Variants in AP1M1 observed in about 807,000 individuals in gnomAD.
AP1M1 encodes the protein adaptor related protein complex 1 subunit mu 1, also known as AP-1 complex subunit mu-1.
AP1M1 carries 18 observed loss-of-function variants against 57.1 expected under a neutral mutation model. The observed-to-expected ratio is 0.32, with a 90% CI of 0.22 to 0.47. The LOEUF (loss-of-function observed/expected upper bound fraction) is 0.47, where lower values mean the gene tolerates loss of function less well. AP1M1 is among the 20% of genes least tolerant of loss of function. AP1M1 has a pLI of 1.00. For synonymous variants in AP1M1, 241 were observed against 237.9 expected (o/e 1.01, Z -0.12); for missense variants, 362 against 593.5 (o/e 0.61, Z 4.05).
chr19:16,244,947 G>C lies in AP1M1; in HGVS notation c.*10512G>C, dbSNP rs2091658717. ...AGTTTCGCTCTTGTTGCCCAGGCTG[G>C]AGTGCAATGGCGCGGTCTTTGCTCA... is the stretch of plus-strand genomic sequence containing the variant. On this transcript the variant is annotated 3_prime_UTR_variant, in exon 12 of 12. Transcript: ENST00000291439. 1 of 151,780 alleles carries C rather than the reference G, an allele frequency of 6.6e-6. No homozygotes were observed. The highest frequency in any genetic ancestry group is 2.4e-5 in the African/African-American group (1 of 41,248). The allele number at this position is 151,780 out of a possible 1,614,324, so 9.4% of individuals were successfully genotyped here.
At chr19:16,231,955 G>T (rs2091600749) in intron 9 of AP1M1, among the ~76,000 whole-genome samples, 1 of 152,214 alleles carries the variant, frequency 6.6e-6, no homozygotes, top group Non-Finnish European at 1.5e-5. Context: ...CCCATGGGTG[G>T]CCATGGCACA....
Position 16,237,242 on chromosome 19 carries a change from T to C in AP1M1, c.*2807T>C, listed in dbSNP as rs569157870. The stretch of plus-strand genomic sequence containing the variant: ...GGAGGTCAGGAGTTCGAGACCAGCA[T>C]GGCCAGCATGGTGAAGCCCCATCTA... On this transcript the variant is annotated 3_prime_UTR_variant, in exon 12 of 12. Coordinates refer to ENST00000291439, the MANE Select transcript of AP1M1 (RefSeq NM_032493.4). 6.6e-6 allele frequency: 1 copy of C among 152,310 alleles called. No individual in the cohort carries two copies. Among genetic ancestry groups the C allele is most frequent in the South Asian group, 2.1e-4 (1 of 4,826 alleles). The allele number at this position is 152,310 out of a possible 1,614,324, so 9.4% of individuals were successfully genotyped here.
At chr19:16,232,173 C>G (rs909990506) in intron 9 of AP1M1, among the ~76,000 whole-genome samples, 5 of 152,248 alleles carry the variant, frequency 3.3e-5, no homozygotes, top group Non-Finnish European at 7.3e-5. Context: ...CACCTTTCTC[C>G]CTTGTGATGA....
rs1369491702 is a variant in AP1M1 at position 16,240,870 on chromosome 19, TC to T, written c.*6437del. On this transcript the variant is annotated 3_prime_UTR_variant, in exon 12 of 12. Coordinates refer to ENST00000291439, the MANE Select transcript of AP1M1 (RefSeq NM_032493.4). ...CAGAACATATCAGACTCAGGGAAGA[TC>T]CTAACAGCAACACTAAGAGATTAAA... The T allele has an allele frequency of 6.6e-6, 1 of 152,078 alleles. No individual in the cohort carries two copies. Among genetic ancestry groups the T allele is most frequent in the East Asian group, 1.9e-4 (1 of 5,196 alleles). 9.4% of individuals were successfully genotyped at this position (152,078 alleles called of 1,614,324 possible).
At chr19:16,198,596 TG>T (rs2145107594) in intron 1 of AP1M1, among the ~76,000 whole-genome samples, 1 of 152,240 alleles carries the variant, frequency 6.6e-6, no homozygotes, top group East Asian at 1.9e-4. Context: ...AGGTGAGTGG[TG>T]ATCACGAGTG....
Position 16,237,521 on chromosome 19 carries a change from T to G in AP1M1, c.*3086T>G, listed in dbSNP as rs2091629787. On this transcript the variant is annotated 3_prime_UTR_variant, in exon 12 of 12. Transcript: ENST00000291439. ...GCTGAGACGGGTGGATCACCTGAGGTCAGGAGTCCGAGACCAACCTGGCCA... is the reference window on the plus strand; with the variant it reads ...GCTGAGACGGGTGGATCACCTGAGGGCAGGAGTCCGAGACCAACCTGGCCA... 6.6e-6 allele frequency: 1 copy of G among 151,554 alleles called. No individual in the cohort carries two copies. The highest frequency in any genetic ancestry group is 1.5e-5 in the Non-Finnish European group (1 of 67,978). 9.4% of individuals were successfully genotyped at this position (151,554 alleles called of 1,614,324 possible).
In AP1M1 at chr19:16,241,353, A is replaced by T. The variant is rs1402482309; in HGVS notation, c.*6918A>T. The T allele has an allele frequency of 1.3e-5, 2 of 152,042 alleles. No homozygotes were observed. The highest frequency in any genetic ancestry group is 2.9e-5 in the Non-Finnish European group (2 of 68,006). The allele number at this position is 152,042 out of a possible 1,614,324, so 9.4% of individuals were successfully genotyped here. On this transcript the variant is annotated 3_prime_UTR_variant, in exon 12 of 12. Coordinates refer to ENST00000291439, the MANE Select transcript of AP1M1 (RefSeq NM_032493.4). ...GATAAAAACAATTTATCAATAACAG[A>T]TTCCCCGAAAAAAGGAACTTGTGTA...
At chr19:16,224,381 C>T (rs2091560924) in intron 5 of AP1M1, among the ~76,000 whole-genome samples, 1 of 152,230 alleles carries the variant, frequency 6.6e-6, no homozygotes, top group Non-Finnish European at 1.5e-5. Flanking sequence ...CGGAAGGATC[C>T]CACTCCTCCA....
At position 16,206,335 on chromosome 19, in the gene AP1M1, A is replaced by T; in HGVS notation, c.200-6A>T. The T allele has an allele frequency of 6.2e-7, 1 of 1,614,126 alleles. No individual in the cohort carries two copies. The highest frequency in any genetic ancestry group is 8.5e-7 in the Non-Finnish European group (1 of 1,179,996). ...TGAATGCTCCTTAACTGTGGCCGCC[A>T]TGCAGTGGTTGCCACATCCAAGAAG... On this transcript the variant is annotated splice_polypyrimidine_tract_variant and splice_region_variant and intron_variant, in intron 2 of 11. Coordinates refer to ENST00000291439, the MANE Select transcript of AP1M1 (RefSeq NM_032493.4). This position sits in a 1 kb window ranked among gnomAD's most constrained non-coding sequence, Gnocchi z 4.3.
At chr19:16,222,279 C>T (rs2091549323) in intron 5 of AP1M1, among the ~76,000 whole-genome samples, 1 of 150,444 alleles carries the variant, frequency 6.6e-6, no homozygotes, top group Non-Finnish European at 1.5e-5. Flanking sequence ...GCAAGCATGG[C>T]TCACTGTAGC....
At position 16,226,370 on chromosome 19, in the gene AP1M1, A is replaced by C. The variant is rs2091571173; in HGVS notation, c.547-51A>C. ...AGGGTCACATGATGTGGTAGGAGGC[A>C]GTGGCTGGTGAGTTGGGGACCTCCC... On this transcript the variant is annotated intron_variant, in intron 5 of 11. Transcript: ENST00000291439. 3 of 1,502,972 alleles carry C rather than the reference A, an allele frequency of 2.0e-6. No individual in the cohort carries two copies. In the African/African-American group the frequency reaches 4.1e-5, roughly 21 times the overall value. The allele number at this position is 1,502,972 out of a possible 1,614,324, so 93.1% of individuals were successfully genotyped here.
In AP1M1 at chr19:16,209,578, G is replaced by C. The variant is rs147900784; in HGVS notation, c.546+401G>C. On this transcript the variant is annotated intron_variant, in intron 5 of 11. Coordinates refer to ENST00000291439, the MANE Select transcript of AP1M1 (RefSeq NM_032493.4). The stretch of plus-strand genomic sequence containing the variant: ...TTTTTAAAAATTAGAAGCAGGGTAT[G>C]AGGTTAGAAAGTGAAGGGCTCTTAT... Among the ~76,000 whole-genome samples the C allele has an allele frequency of 4.5e-3, 679 of 151,792 alleles. 6 individuals carry two copies. The highest frequency in any genetic ancestry group is 0.015 in the African/African-American group (640 of 41,404).
rs1380825162 is a variant in AP1M1, at chr19:16,206,961, G to C, written c.267+553G>C. Among the ~76,000 whole-genome samples the C allele has an allele frequency of 6.6e-6, 1 of 152,248 alleles. No homozygotes were observed. Among genetic ancestry groups the C allele is most frequent in the Non-Finnish European group, 1.5e-5 (1 of 68,046 alleles). On this transcript the variant is annotated intron_variant, in intron 3 of 11. Coordinates refer to ENST00000291439, the MANE Select transcript of AP1M1 (RefSeq NM_032493.4). The surrounding 1 kb of genome is among the most constrained non-coding windows in gnomAD (Gnocchi z 4.3). ...GTATGAGGCTGAGGTCAGCTGGGAAGAGGGCGGATTATACAGGAGTGTGGA... is the reference window on the plus strand; with the variant it reads ...GTATGAGGCTGAGGTCAGCTGGGAACAGGGCGGATTATACAGGAGTGTGGA...
intron 5 of AP1M1, among the ~76,000 whole-genome samples, chr19:16,224,957 C>T (rs1013376922): frequency 6.6e-6 from 1 of 150,474 alleles, no homozygotes; most frequent in Non-Finnish European, 1.5e-5. Context: ...CGTGGCTTCC[C>T]CCAGCAGGGA....
intron 5 of AP1M1, among the ~76,000 whole-genome samples, chr19:16,215,209 GGGAGAGGGGGGA>G (rs1568351052): frequency 2.4e-5 from 1 of 41,626 alleles, no homozygotes; most frequent in Non-Finnish European, 7.0e-5. Flanking sequence ...GCGGGGGGGG[GGGAGAGGGGGGA>G]GGGGGGAGGG....
chr19:16,232,010 C>A (rs908398912), intron 9 of AP1M1, among the ~76,000 whole-genome samples: 16 of 152,240 alleles, frequency 1.1e-4, no homozygotes, highest in Non-Finnish European at 2.2e-4. Context: ...GCCTTGCGTC[C>A]AGGCCTTCTC....
In AP1M1 at chr19:16,227,769, C is replaced by T. The variant is rs1401983393; in HGVS notation, c.816+79C>T. On this transcript the variant is annotated intron_variant, in intron 7 of 11. Coordinates refer to ENST00000291439, the MANE Select transcript of AP1M1 (RefSeq NM_032493.4). This position sits in a 1 kb window ranked among gnomAD's most constrained non-coding sequence, Gnocchi z 6.2. ...CTCCAGGAGGTGAAGCCCAGGCAGG[C>T]GCCAGGGCCAGCCCCACCCCACGCT... is the stretch of plus-strand genomic sequence containing the variant. 6 of 1,528,718 alleles carry T rather than the reference C, an allele frequency of 3.9e-6. No individual in the cohort carries two copies. Among genetic ancestry groups the T allele is most frequent in the Admixed American group, 1.7e-5 (1 of 58,030 alleles). 94.7% of individuals were successfully genotyped at this position (1,528,718 alleles called of 1,614,324 possible).
At position 16,203,361 on chromosome 19, in the gene AP1M1, C is replaced by T; in HGVS notation, c.43-98C>T. ...GGATAGTGGCCATGACCGGAGTCCCCAGAGCGAAGCAGGGTGGTGCATCTC... is the reference window on the plus strand; with the variant it reads ...GGATAGTGGCCATGACCGGAGTCCCTAGAGCGAAGCAGGGTGGTGCATCTC... On this transcript the variant is annotated intron_variant, in intron 1 of 11. Coordinates refer to ENST00000291439, the MANE Select transcript of AP1M1 (RefSeq NM_032493.4). This position sits in a 1 kb window ranked among gnomAD's most constrained non-coding sequence, Gnocchi z 4.6. 7.6e-7 allele frequency: 1 copy of T among 1,313,910 alleles called. No individual in the cohort carries two copies. The highest frequency in any genetic ancestry group is 1.1e-6 in the Non-Finnish European group (1 of 923,596). The allele number at this position is 1,313,910 out of a possible 1,614,324, so 81.4% of individuals were successfully genotyped here. A position where few individuals can be genotyped will look rare whatever the true frequency, so the allele number is the denominator to read the frequency against.
Position 16,210,169 on chromosome 19 carries a change from C to A in AP1M1, c.546+992C>A, listed in dbSNP as rs187745933. ...TGCTTTAACTCATTCTAATTCTTTG[C>A]GATTCATCCAAATCCAATTGTTTTG... On this transcript the variant is annotated intron_variant, in intron 5 of 11. Coordinates refer to ENST00000291439, the MANE Select transcript of AP1M1 (RefSeq NM_032493.4). Among the ~76,000 whole-genome samples, 8 of 152,300 alleles carry A rather than the reference C, an allele frequency of 5.3e-5. No individual in the cohort carries two copies. The South Asian group carries it at 1.5e-3, about 28-fold the overall frequency.
Sources: gnomAD v4.1 joint callset for allele counts (sites outside exome capture counted in the v4.1 genomes callset) on GRCh38, gnomAD v4.1.1 for gene constraint, Gnocchi (gnomAD v3.1) non-coding constraint, MANE v1.5 for transcripts, NCBI Gene and HGNC (gene_info 2026-07-23, HGNC 2026-07-21) for gene names.